The following FLRT2 variants were observed in gnomAD, a reference collection of about 807,000 sequenced individuals.
FLRT2 encodes fibronectin leucine rich transmembrane protein 2, also known as leucine-rich repeat transmembrane protein FLRT2.
Under a neutral mutation model 40.0 loss-of-function variants are expected in FLRT2, and 15 were observed. The observed-to-expected ratio is 0.38, with a 90% CI of 0.25 to 0.58. FLRT2 has a LOEUF of 0.58. Ranked by LOEUF, FLRT2 falls within the 20% of genes least tolerant of loss-of-function variation. FLRT2 has a pLI of 0.71. For synonymous variants in FLRT2, 380 were observed against 336.8 expected, an observed-to-expected ratio of 1.13 and a Z score of -1.41; for missense variants, 726 against 840.0, an observed-to-expected ratio of 0.86 and a Z score of 1.68.
rs1419245720 is a variant in FLRT2, at chr14:85,568,151, T to C, written c.-377+37617T>C. ...TTTCCCTGTTTTATAAGGGGACAAA[T>C]AAAGATGAGATAGGGAAGTAGGGGT... On this transcript the variant is annotated intron_variant, in intron 1 of 1. Transcript: ENST00000330753. 2.0e-5 allele frequency among the ~76,000 whole-genome samples: 3 copies of C among 151,054 alleles called. No homozygotes were observed. The East Asian group carries it at 5.9e-4, about 30-fold the overall frequency.
rs1893892677 is a variant in FLRT2, at chr14:85,632,164, C to T, written c.*8667C>T. 1 of 151,474 alleles carries T rather than the reference C, an allele frequency of 6.6e-6. No individual in the cohort carries two copies. The highest frequency in any genetic ancestry group is 1.5e-5 in the Non-Finnish European group (1 of 67,948). The allele number at this position is 151,474 out of a possible 1,614,324, so 9.4% of individuals were successfully genotyped here. On this transcript the variant is annotated 3_prime_UTR_variant, in exon 2 of 2. Coordinates refer to ENST00000330753, the MANE Select transcript of FLRT2 (RefSeq NM_013231.6). ...TTATATATTACAGACAAACTCAAAACTGAACCAGCTTGCAGAAAAGCATAC... is the reference window on the plus strand; with the variant it reads ...TTATATATTACAGACAAACTCAAAATTGAACCAGCTTGCAGAAAAGCATAC...
intron 1 of FLRT2, among the ~76,000 whole-genome samples, chr14:85,616,040 T>C (rs780307493): frequency 6.6e-6 from 1 of 152,188 alleles, no homozygotes; most frequent in African/African-American, 2.4e-5. Context: ...TCAGTTCCTA[T>C]GAAAAGAGTT....
At chr14:85,600,237 A>G (rs1892325371) in intron 1 of FLRT2, among the ~76,000 whole-genome samples, 1 of 152,224 alleles carries the variant, frequency 6.6e-6, no homozygotes, top group Non-Finnish European at 1.5e-5. Flanking sequence ...GAGAAGTCAG[A>G]AAAAGAGCTT....
chr14:85,558,240 A>G (rs1438634198), intron 1 of FLRT2, among the ~76,000 whole-genome samples: 1 of 152,214 alleles, frequency 6.6e-6, no homozygotes, highest in East Asian at 1.9e-4. Flanking sequence ...AACAAGAGGC[A>G]AAGGGCTCTC....
chr14:85,646,057 T>C lies in FLRT2; in HGVS notation c.*22560T>C, dbSNP rs1894294488. 6.6e-6 allele frequency: 1 copy of C among 150,626 alleles called. No homozygotes were observed. The highest frequency in any genetic ancestry group is 1.5e-5 in the Non-Finnish European group (1 of 67,908). 9.3% of individuals were successfully genotyped at this position (150,626 alleles called of 1,614,324 possible). A position where few individuals can be genotyped will look rare whatever the true frequency, so the allele number is the denominator to read the frequency against. ...CCTTTGCATCTGTTTACTTACTTAA[T>C]GGGACATTATTATGGTGACCCATAC... On this transcript the variant is annotated 3_prime_UTR_variant, in exon 2 of 2. Coordinates refer to ENST00000330753, the MANE Select transcript of FLRT2 (RefSeq NM_013231.6).
At chr14:85,597,530 C>T (rs773941211) in intron 1 of FLRT2, among the ~76,000 whole-genome samples, 5 of 152,080 alleles carry the variant, frequency 3.3e-5, no homozygotes, top group Non-Finnish European at 7.3e-5. Flanking sequence ...AAGCTTGATA[C>T]TGGAAGTAAC....
At position 85,634,735 on chromosome 14, in the gene FLRT2, C is replaced by T. The variant is rs1226932863; in HGVS notation, c.*11238C>T. The T allele has an allele frequency of 6.6e-6, 1 of 152,156 alleles. No homozygotes were observed. Among genetic ancestry groups the T allele is most frequent in the African/African-American group, 2.4e-5 (1 of 41,444 alleles). 9.4% of individuals were successfully genotyped at this position (152,156 alleles called of 1,614,324 possible). A position where few individuals can be genotyped will look rare whatever the true frequency, so the allele number is the denominator to read the frequency against. On this transcript the variant is annotated 3_prime_UTR_variant, in exon 2 of 2. Transcript: ENST00000330753. ...CAACAGTAACCATACTGCACAGTGC[C>T]TGACACATATAAAGTGCTCAATAAA...
intron 1 of FLRT2, among the ~76,000 whole-genome samples, chr14:85,579,795 C>T (rs1027901744): frequency 1.3e-5 from 2 of 151,980 alleles, no homozygotes; most frequent in African/African-American, 4.8e-5. Flanking sequence ...TAAGGGCTTA[C>T]AGGGCAAAAA....
In FLRT2 at chr14:85,649,668, T is replaced by C. The variant is rs1391724170; in HGVS notation, c.*26171T>C. On this transcript the variant is annotated 3_prime_UTR_variant, in exon 2 of 2. Coordinates refer to ENST00000330753, the MANE Select transcript of FLRT2 (RefSeq NM_013231.6). ...ATAAATTCTTTCATACTGGAATTTG[T>C]GATACTATCCACACTTTTCCTCACT... is the stretch of plus-strand genomic sequence containing the variant. 6.6e-6 allele frequency: 1 copy of C among 152,116 alleles called. No homozygotes were observed. The highest frequency in any genetic ancestry group is 1.5e-5 in the Non-Finnish European group (1 of 67,986). The allele number at this position is 152,116 out of a possible 1,614,324, so 9.4% of individuals were successfully genotyped here. A position where few individuals can be genotyped will look rare whatever the true frequency, so the allele number is the denominator to read the frequency against.
chr14:85,602,703 T>A (rs1892430599), intron 1 of FLRT2, among the ~76,000 whole-genome samples: 1 of 152,188 alleles, frequency 6.6e-6, no homozygotes, highest in African/African-American at 2.4e-5. Flanking sequence ...ACTGAATAGA[T>A]CTGGCAACTT....
At position 85,626,100 on chromosome 14, in the gene FLRT2, A is replaced by T. The variant is rs1233216146; in HGVS notation, c.*2603A>T. ...GCTTTATTTTCACCTTGTGTACAAC[A>T]TGGCAAAGACTGCTAAGATTAAAAT... On this transcript the variant is annotated 3_prime_UTR_variant, in exon 2 of 2. Coordinates refer to ENST00000330753, the MANE Select transcript of FLRT2 (RefSeq NM_013231.6). 6.0e-6 allele frequency: 1 copy of T among 167,112 alleles called. No individual in the cohort carries two copies. Among genetic ancestry groups the T allele is most frequent in the Non-Finnish European group, 1.5e-5 (1 of 68,138 alleles). 10.4% of individuals were successfully genotyped at this position (167,112 alleles called of 1,614,324 possible). A position where few individuals can be genotyped will look rare whatever the true frequency, so the allele number is the denominator to read the frequency against.
At chr14:85,566,153 A>G (rs1282492462) in intron 1 of FLRT2, among the ~76,000 whole-genome samples, 1 of 152,180 alleles carries the variant, frequency 6.6e-6, no homozygotes, top group East Asian at 1.9e-4. Flanking sequence ...AGTTTTTTCC[A>G]TGAAGTAATC....
chr14:85,590,550 T>C (rs981547710), intron 1 of FLRT2, among the ~76,000 whole-genome samples: 8 of 152,192 alleles, frequency 5.3e-5, no homozygotes, highest in African/African-American at 1.7e-4. Context: ...CACAGTATCA[T>C]GCATATGGAG....
chr14:85,628,548 G>A lies in FLRT2; in HGVS notation c.*5051G>A, dbSNP rs1406058900. The A allele has an allele frequency of 6.6e-6, 1 of 152,170 alleles. No individual in the cohort carries two copies. The highest frequency in any genetic ancestry group is 2.4e-5 in the African/African-American group (1 of 41,448). The allele number at this position is 152,170 out of a possible 1,614,324, so 9.4% of individuals were successfully genotyped here. A position where few individuals can be genotyped will look rare whatever the true frequency, so the allele number is the denominator to read the frequency against. ...CCTTTCAATAGGCACTCAAGGAAAT[G>A]TATCTATTCATATGCTCAACTTCAA... is the stretch of plus-strand genomic sequence containing the variant. On this transcript the variant is annotated 3_prime_UTR_variant, in exon 2 of 2. Transcript: ENST00000330753.
intron 1 of FLRT2, among the ~76,000 whole-genome samples, chr14:85,550,374 T>C (rs1889544514): frequency 6.6e-6 from 1 of 152,070 alleles, no homozygotes; most frequent in Non-Finnish European, 1.5e-5. Context: ...AACAATGAAA[T>C]GAGAGCCCTT....
At chr14:85,611,968 G>C (rs1892896858) in intron 1 of FLRT2, among the ~76,000 whole-genome samples, 1 of 132,576 alleles carries the variant, frequency 7.5e-6, no homozygotes, top group African/African-American at 2.8e-5. Flanking sequence ...GTGTGTATTG[G>C]GACCACCTTT....
intron 1 of FLRT2, among the ~76,000 whole-genome samples, chr14:85,592,980 C>T (rs1323363723): frequency 1.3e-5 from 2 of 151,978 alleles, no homozygotes; most frequent in Non-Finnish European, 2.9e-5. Flanking sequence ...ACATGTTTAA[C>T]ACAATATTTT....
Position 85,569,656 on chromosome 14 carries a change from G to T in FLRT2, c.-377+39122G>T, listed in dbSNP as rs564321782. On this transcript the variant is annotated intron_variant, in intron 1 of 1. Transcript: ENST00000330753. ...AAGAATTTCAGATGAGGTTTATTTT[G>T]TCCCCTAGCCCTTTGGTTATCACGG... Among the ~76,000 whole-genome samples the T allele has an allele frequency of 4.6e-4, 70 of 152,288 alleles. No homozygotes were observed. The South Asian group carries it at 0.014, about 31-fold the overall frequency.
chr14:85,539,112 C>T (rs1293331630), intron 1 of FLRT2, among the ~76,000 whole-genome samples: 10 of 151,874 alleles, frequency 6.6e-5, no homozygotes, highest in African/African-American at 2.4e-4. Context: ...TCGTATCCAC[C>T]CTCATCACTC....
Sources: gnomAD v4.1 joint callset for allele counts (sites outside exome capture counted in the v4.1 genomes callset) on GRCh38, gnomAD v4.1.1 for gene constraint, MANE v1.5 for transcripts, NCBI Gene and HGNC (gene_info 2026-07-23, HGNC 2026-07-21) for gene names.